PPP1R12A: variants seen among roughly 807,000 people sequenced by gnomAD.
The protein encoded by PPP1R12A is myosin binding subunit.
PPP1R12A carries 19 observed loss-of-function variants against 139.6 expected under a neutral mutation model. That is an observed-to-expected ratio of 0.14 (90% CI 0.09 to 0.20). The LOEUF is 0.20. PPP1R12A is among the 10% of genes least tolerant of loss of function. The probability of loss-of-function intolerance (pLI) is 1.00; values close to 1 mark genes in which losing one functional copy is unlikely to be tolerated. For synonymous variants in PPP1R12A, 427 were observed against 420.6 expected, an observed-to-expected ratio of 1.02 and a Z score of -0.19; for missense variants, 925 against 1,211.5, an observed-to-expected ratio of 0.76 and a Z score of 3.51.
chr12:79,839,968 T>C (rs1878523107), intron 3 of PPP1R12A, among the ~76,000 whole-genome samples: 1 of 152,248 alleles, frequency 6.6e-6, no homozygotes, highest in Non-Finnish European at 1.5e-5. Context: ...CTTTTGTTTC[T>C]TTGGAATTAA....
At chr12:79,889,318 T>C (rs966356463) in intron 1 of PPP1R12A, among the ~76,000 whole-genome samples, 1 of 152,154 alleles carries the variant, frequency 6.6e-6, no homozygotes, top group African/African-American at 2.4e-5. Context: ...CAGCAAGGAA[T>C]GGCCTACATA....
intron 6 of PPP1R12A, among the ~76,000 whole-genome samples, chr12:79,821,608 C>G (rs968943416): frequency 6.6e-6 from 1 of 152,004 alleles, no homozygotes; most frequent in Non-Finnish European, 1.5e-5. Flanking sequence ...AAAAAATTAG[C>G]CAGGCATGGT....
intron 1 of PPP1R12A, among the ~76,000 whole-genome samples, chr12:79,905,996 A>C (rs1299267851): frequency 6.6e-6 from 1 of 152,190 alleles, no homozygotes; most frequent in Non-Finnish European, 1.5e-5. Context: ...ATTTTCACCC[A>C]GAAGAGTCAG....
rs1266957266 is a variant in PPP1R12A, at chr12:79,809,879, C to A, written c.1371G>T (p.Glu457Asp). Residue 457 changes from glutamate to aspartate, a missense_variant, in exon 10 of 25, where the codon GAG (glutamate) becomes GAT (aspartate). Glu to Asp is a conservative substitution (Grantham distance 45). Around this residue, in one of 4 missense-constraint regions of PPP1R12A, gnomAD observed 403 missense variants for 463.7 expected, o/e 0.87. Coordinates refer to ENST00000450142, the MANE Select transcript of PPP1R12A (RefSeq NM_002480.3). ...CTGCAGTATCTTTTTCTTTCTGACC[C>A]TCTTTAGATGCTGTGATTTCAGCAA... ...GALAEITASK[E>D]GQKEKDTAGV... The A allele has an allele frequency of 6.2e-7, 1 of 1,613,586 alleles. No individual in the cohort carries two copies. The highest frequency in any genetic ancestry group is 8.5e-7 in the Non-Finnish European group (1 of 1,179,724).
At chr12:79,848,560 A>G (rs1879676162) in intron 2 of PPP1R12A, among the ~76,000 whole-genome samples, 1 of 152,150 alleles carries the variant, frequency 6.6e-6, no homozygotes, top group African/African-American at 2.4e-5. Context: ...TGTTAAGAGA[A>G]ACTAACAGAG....
chr12:79,815,911 C>A (rs1452582207), intron 9 of PPP1R12A, among the ~76,000 whole-genome samples: 1 of 152,134 alleles, frequency 6.6e-6, no homozygotes, highest in East Asian at 1.9e-4. Flanking sequence ...CAACACGTTT[C>A]TACCACTAAT....
intron 9 of PPP1R12A, 117 bp from the exon 10 acceptor site, chr12:79,810,127 G>A: frequency 1.2e-6 from 1 of 857,668 alleles, no homozygotes; most frequent in Non-Finnish European, 1.7e-6. Context: ...TACAGTTTCA[G>A]GATAAAACAC....
At chr12:79,844,917 T>C (rs990263617) in intron 3 of PPP1R12A, among the ~76,000 whole-genome samples, 1 of 152,172 alleles carries the variant, frequency 6.6e-6, no homozygotes, top group Non-Finnish European at 1.5e-5. Flanking sequence ...TCATGACTCA[T>C]TCCCTCATTG....
intron 19 of PPP1R12A, among the ~76,000 whole-genome samples, chr12:79,793,434 A>G (rs1387459081): frequency 6.6e-6 from 1 of 152,226 alleles, no homozygotes; most frequent in African/African-American, 2.4e-5. Flanking sequence ...AATAAAATCT[A>G]CAGAAATAAA....
chr12:79,782,461 C>G, intron 22 of PPP1R12A: 1 of 386,306 alleles, frequency 2.6e-6, no homozygotes, highest in Admixed American at 3.5e-5. Context: ...TGAGCTCAGG[C>G]CTTTCATTTT....
chr12:79,817,140 TTAAC>T (rs1433239879), intron 9 of PPP1R12A, among the ~76,000 whole-genome samples: 5 of 152,174 alleles, frequency 3.3e-5, no homozygotes, highest in African/African-American at 4.8e-5. Flanking sequence ...CTGCCATTTA[TTAAC>T]TATCAACTGT....
At chr12:79,913,979 G>A (rs1348284213) in intron 1 of PPP1R12A, 1 of 152,032 alleles carries the variant, frequency 6.6e-6, no homozygotes, top group Non-Finnish European at 1.5e-5. Flanking sequence ...TGAGAATTCA[G>A]CTGTCTTAAT....
At chr12:79,792,473 ATT>A (rs1410283127) in intron 19 of PPP1R12A, among the ~76,000 whole-genome samples, 2 of 152,178 alleles carry the variant, frequency 1.3e-5, no homozygotes, top group South Asian at 2.1e-4. Flanking sequence ...TGTTATTTAT[ATT>A]TGTTATATTT....
chr12:79,871,247 T>C (rs887159225), intron 2 of PPP1R12A, among the ~76,000 whole-genome samples: 1 of 152,222 alleles, frequency 6.6e-6, no homozygotes, highest in Non-Finnish European at 1.5e-5. Flanking sequence ...AAATTGGGTA[T>C]TCTATCACTT....
intron 8 of PPP1R12A, 37 bp downstream of exon 8, chr12:79,820,737 A>G: frequency 6.2e-7 from 1 of 1,600,174 alleles, no homozygotes; most frequent in Non-Finnish European, 8.5e-7. Flanking sequence ...ACACTGCCAC[A>G]AAATTCAACG....
intron 1 of PPP1R12A, among the ~76,000 whole-genome samples, chr12:79,925,295 AAT>A (rs942735464): frequency 1.1e-4 from 17 of 152,154 alleles, no homozygotes; most frequent in African/African-American, 4.1e-4. Flanking sequence ...AGTCCATGAA[AAT>A]ATACTTTCCC....
At chr12:79,885,242 T>C (rs1004490029) in intron 1 of PPP1R12A, among the ~76,000 whole-genome samples, 11 of 152,108 alleles carry the variant, frequency 7.2e-5, no homozygotes, top group Non-Finnish European at 1.0e-4. Context: ...CACAGTCTCC[T>C]CCTGAAAATG....
chr12:79,843,389 A>C (rs1878982335), intron 3 of PPP1R12A, among the ~76,000 whole-genome samples: 1 of 151,952 alleles, frequency 6.6e-6, no homozygotes, highest in South Asian at 2.1e-4. Context: ...CAGCCTGGCC[A>C]ACACGGTAAA....
chr12:79,875,187 G>C (rs919546067), intron 1 of PPP1R12A, among the ~76,000 whole-genome samples: 14 of 152,108 alleles, frequency 9.2e-5, no homozygotes, highest in African/African-American at 2.4e-4. Context: ...CTATGAGATA[G>C]GTTGTATTCA....
Sources: allele counts gnomAD v4.1 joint callset (sites outside exome capture counted in the v4.1 genomes callset), GRCh38; gene constraint gnomAD v4.1.1; regional missense constraint gnomAD v4.1.1; transcripts MANE v1.5; gene names NCBI Gene and HGNC (gene_info 2026-07-23, HGNC 2026-07-21).